PDZD7: variants seen among roughly 807,000 people sequenced by gnomAD.
PDZD7 encodes PDZ domain containing 7, also known as PDZ domain-containing protein 7.
A neutral mutation model predicts 84.7 loss-of-function variants in PDZD7; 72 were observed. That is an observed-to-expected ratio of 0.85 (90% CI 0.70 to 1.03). The LOEUF is 1.03. Ranked by LOEUF, PDZD7 falls within the 50% of genes least tolerant of loss-of-function variation. PDZD7 has a pLI of 0.00. For missense variants in PDZD7, 1,490 were observed against 1,412.9 expected, an observed-to-expected ratio of 1.05 and a Z score of -0.87; for synonymous variants, 594 against 580.7, an observed-to-expected ratio of 1.02 and a Z score of -0.33.
At position 101,012,099 on chromosome 10, in the gene PDZD7, C is replaced by T. The variant is rs1359622184; in HGVS notation, c.1841+68G>A. On this transcript the variant is annotated intron_variant, in intron 12 of 16. Coordinates refer to ENST00000619208, the MANE Select transcript of PDZD7 (RefSeq NM_001195263.2). The stretch of plus-strand genomic sequence containing the variant: ...AGGTGCCAGGATGCCCTTCAGCCCT[C>T]GGGAGGTTGGGGGTGGTACCAGGGA... 1.8e-5 allele frequency: 27 copies of T among 1,541,422 alleles called. No individual in the cohort carries two copies. The Admixed American group carries it at 2.4e-4, about 13-fold the overall frequency.
intron 4 of PDZD7, 146 bp from the exon 5 acceptor site, chr10:101,022,531 A>G: frequency 2.3e-6 from 2 of 853,090 alleles, no homozygotes; most frequent in Non-Finnish European, 3.7e-6. Flanking sequence ...GCATAGGTTC[A>G]TTAGCTGGGA....
intron 9 of PDZD7, chr10:101,017,612 A>C (rs961915191): frequency 4.3e-6 from 3 of 701,598 alleles, no homozygotes; most frequent in Non-Finnish European, 7.8e-6. Flanking sequence ...TGAAACCCCC[A>C]TCTCTACAAA....
Position 101,008,828 on chromosome 10 carries a change from A to G in PDZD7, c.2741T>C (p.Val914Ala). 6.6e-7 allele frequency: 1 copy of G among 1,509,790 alleles called. No homozygotes were observed. Among genetic ancestry groups the G allele is most frequent in the Non-Finnish European group, 8.9e-7 (1 of 1,129,642 alleles). The allele number at this position is 1,509,790 out of a possible 1,614,324, so 93.5% of individuals were successfully genotyped here. Residue 914 changes from valine to alanine, a missense_variant, in exon 17 of 17, where the codon GTG becomes GCG. Coordinates refer to ENST00000619208, the MANE Select transcript of PDZD7 (RefSeq NM_001195263.2). Reference protein sequence around the residue: ...ALQAGFELVAVDGENLEQVTH... With the variant: ...ALQAGFELVAADGENLEQVTH... Reference sequence around the variant, plus strand: ...CACCTGCTCTAGATTCTCTCCGTCCACTGCCACAAGCTCGAAGCCAGCCTA... The same window carrying G: ...CACCTGCTCTAGATTCTCTCCGTCCGCTGCCACAAGCTCGAAGCCAGCCTA...
intron 2 of PDZD7, 45 bp downstream of exon 2, chr10:101,029,949 C>T: frequency 7.0e-7 from 1 of 1,434,914 alleles, no homozygotes; most frequent in Non-Finnish European, 9.8e-7. Flanking sequence ...TGTCCCCTAC[C>T]CCCACCCTCC....
rs370482213 is a variant in PDZD7, at chr10:101,017,786, C to CA, written c.1522+312dup. The CA allele has an allele frequency of 0.36, 111,832 of 313,048 alleles. 11,333 individuals carry two copies. The highest frequency in any genetic ancestry group is 0.4 in the Non-Finnish European group (77,515 of 193,806). 19.4% of individuals were successfully genotyped at this position (313,048 alleles called of 1,614,324 possible). On this transcript the variant is annotated intron_variant, in intron 9 of 16. Transcript: ENST00000619208. ...GGGCAACAAGAGCAAAACTCCATCTCAAAAAAAAAAAAGAAAGAAAAAGAA... is the reference window on the plus strand; with the variant it reads ...GGGCAACAAGAGCAAAACTCCATCTCAAAAAAAAAAAAAGAAAGAAAAAGAA...
rs371381514 is a variant in PDZD7, at chr10:101,029,932, T to C, written c.226+62A>G. ...ACTGGCTCTGCCTCCTCCTGCTGAG[T>C]TCCCATTGTCCCCTACCCCCACCCT... On this transcript the variant is annotated intron_variant, in intron 2 of 16. Transcript: ENST00000619208. 1.6e-5 allele frequency: 24 copies of C among 1,526,112 alleles called. No individual in the cohort carries two copies. In the African/African-American group the frequency reaches 3.3e-4, roughly 21 times the overall value. 94.5% of individuals were successfully genotyped at this position (1,526,112 alleles called of 1,614,324 possible). A position where few individuals can be genotyped will look rare whatever the true frequency, so the allele number is the denominator to read the frequency against.
chr10:101,018,940 G>C lies in PDZD7; in HGVS notation c.1206C>G (p.Pro402=), dbSNP rs984801335. The change falls in exon 8 of 17, where the codon CCC becomes CCG. Residue 402 remains proline (P), a synonymous_variant. Coordinates refer to ENST00000619208, the MANE Select transcript of PDZD7 (RefSeq NM_001195263.2). The part of the protein sequence containing the change: ...LRDTAIRSDG[P]HPGRRLDSAL... ...CAGAGTCAAGGCGGCGGCCGGGATG[G>C]GGGCCGTCCGAGCGGATGGCGGTGT... The C allele has an allele frequency of 8.1e-6, 13 of 1,601,790 alleles. No individual in the cohort carries two copies. The highest frequency in any genetic ancestry group is 6.7e-5 in the African/African-American group (5 of 74,850).
In PDZD7 at chr10:101,012,172, G is replaced by C; in HGVS notation, c.1836C>G (p.Asp612Glu). 2 of 1,550,506 alleles carry C rather than the reference G, an allele frequency of 1.3e-6. No homozygotes were observed. Among genetic ancestry groups the C allele is most frequent in the Non-Finnish European group, 1.7e-6 (2 of 1,146,956 alleles). ...DRPEKLLLLQ[D>E]IRSVVAPTDL... ...TCTCTGCAACCTCCTCCCACCTGAT[G>C]TCCTGCAGCAGTAGCAGCTTCTCCG... The change falls in exon 12 of 17, where the codon GAC becomes GAG. Residue 612 changes from aspartate to glutamate, a missense_variant. Physicochemically the swap from Asp to Glu is conservative, Grantham distance 45 (BLOSUM62 2). Transcript: ENST00000619208.
In PDZD7 at chr10:101,018,216, T is replaced by C. The variant is rs1328137601; in HGVS notation, c.1405A>G (p.Asn469Asp). 2 of 1,614,200 alleles carry C rather than the reference T, an allele frequency of 1.2e-6. No homozygotes were observed. Among genetic ancestry groups the C allele is most frequent in the South Asian group, 2.2e-5 (2 of 91,082 alleles). Residue 469 changes from asparagine (N) to aspartate (D), a missense_variant, in exon 9 of 17, where the codon AAC (asparagine) becomes GAC (aspartate). Coordinates refer to ENST00000619208, the MANE Select transcript of PDZD7 (RefSeq NM_001195263.2). The stretch of plus-strand genomic sequence containing the variant: ...TGCCGCCCTCCCTTGAAGAAGAGGT[T>C]CATCAGCGTCTTGGAGCGCTGCAGG... ...GALQRSKTLM[N>D]LFFKGGRQGR...
chr10:101,028,869 T>C (rs1937879774), intron 2 of PDZD7, among the ~76,000 whole-genome samples: 2 of 152,172 alleles, frequency 1.3e-5, no homozygotes, highest in South Asian at 4.1e-4. Context: ...AAGCATAGAC[T>C]GGTGTATGAC....
In PDZD7 at chr10:101,018,206, A is replaced by G; in HGVS notation, c.1415T>C (p.Phe472Ser). The G allele has an allele frequency of 6.2e-6, 10 of 1,614,166 alleles. No homozygotes were observed. The highest frequency in any genetic ancestry group is 6.8e-6 in the Non-Finnish European group (8 of 1,180,026). ...QRSKTLMNLFFKGGRQGRLAR... is the reference protein window; with the variant it reads ...QRSKTLMNLFSKGGRQGRLAR... The stretch of plus-strand genomic sequence containing the variant: ...TAGCCTCCCCTGCCGCCCTCCCTTG[A>G]AGAAGAGGTTCATCAGCGTCTTGGA... The change falls in exon 9 of 17, where the codon TTC becomes TCC. Residue 472 changes from phenylalanine to serine, a missense_variant. By Grantham distance (155) the Phe-to-Ser change is radical (BLOSUM62 -2). Transcript: ENST00000619208.
At chr10:101,019,569 TCCTCC>T (rs1852947919) in intron 7 of PDZD7, among the ~76,000 whole-genome samples, 2 of 133,092 alleles carry the variant, frequency 1.5e-5, no homozygotes, top group African/African-American at 6.2e-5. Context: ...CTCCTCCTCC[TCCTCC>T]TCCTCCTCCT....
rs1270630884 is a variant in PDZD7, at chr10:101,030,255, A to G, written c.-36T>C. On this transcript the variant is annotated 5_prime_UTR_variant, in exon 2 of 17. Coordinates refer to ENST00000619208, the MANE Select transcript of PDZD7 (RefSeq NM_001195263.2). ...CTAGGGCGGCACCCTACAGGTCCAG[A>G]AGGAATCTGCTAGCTCTGGAGAGGC... The G allele has an allele frequency of 1.2e-5, 19 of 1,542,832 alleles. No homozygotes were observed. Among genetic ancestry groups the G allele is most frequent in the Non-Finnish European group, 1.7e-5 (19 of 1,140,602 alleles).
intron 15 of PDZD7, 150 bp from the exon 16 acceptor site, chr10:101,009,500 C>A: frequency 1.5e-6 from 1 of 666,562 alleles, no homozygotes; most frequent in African/African-American, 1.8e-5. Flanking sequence ...CAACTCATTC[C>A]AAAATCCTCC....
intron 8 of PDZD7, 119 bp downstream of exon 8, chr10:101,018,703 T>C (rs1332338905): frequency 2.3e-6 from 3 of 1,331,102 alleles, no homozygotes; most frequent in East Asian, 5.1e-5. Context: ...GGAGCTTGGG[T>C]TGGGCAAGGG....
chr10:101,016,087 T>G (rs528913657), intron 10 of PDZD7, among the ~76,000 whole-genome samples: 2 of 152,302 alleles, frequency 1.3e-5, no homozygotes, highest in East Asian at 3.9e-4. Flanking sequence ...AGTAGTCTGT[T>G]GCCCAGTGGA....
chr10:101,013,564 G>A (rs1005172438), intron 11 of PDZD7, among the ~76,000 whole-genome samples: 9 of 152,230 alleles, frequency 5.9e-5, no homozygotes, highest in South Asian at 2.1e-4. Context: ...GTGGAAAAAC[G>A]AGTAGATAGT....
intron 14 of PDZD7, chr10:101,011,271 C>A: frequency 2.6e-6 from 1 of 383,088 alleles, no homozygotes; most frequent in Non-Finnish European, 4.4e-6. Flanking sequence ...CTACTCCTCA[C>A]CTCAAGCGAT....
Position 101,008,816 on chromosome 10 carries a change from T to G in PDZD7, c.2753A>C (p.Asn918Thr), listed in dbSNP as rs936546282. 7.2e-6 allele frequency: 11 copies of G among 1,520,084 alleles called. No homozygotes were observed. The highest frequency in any genetic ancestry group is 9.7e-6 in the Non-Finnish European group (11 of 1,135,878). The allele number at this position is 1,520,084 out of a possible 1,614,324, so 94.2% of individuals were successfully genotyped here. The part of the protein sequence containing the change: ...GFELVAVDGE[N>T]LEQVTHQRAV... ...ACGCTGGTGGGTCACCTGCTCTAGATTCTCTCCGTCCACTGCCACAAGCTC... is the reference window on the plus strand; with the variant it reads ...ACGCTGGTGGGTCACCTGCTCTAGAGTCTCTCCGTCCACTGCCACAAGCTC... Residue 918 changes from asparagine (N) to threonine (T), a missense_variant, in exon 17 of 17, where the codon AAT (asparagine) becomes ACT (threonine). Coordinates refer to ENST00000619208, the MANE Select transcript of PDZD7 (RefSeq NM_001195263.2).
Sources: gnomAD v4.1 joint callset for allele counts (sites outside exome capture counted in the v4.1 genomes callset) on GRCh38, gnomAD v4.1.1 for gene constraint, MANE v1.5 for transcripts, NCBI Gene and HGNC (gene_info 2026-07-23, HGNC 2026-07-21) for gene names.